The following PCSK5 variants were observed in gnomAD, a reference collection of about 807,000 sequenced individuals.
PCSK5 encodes the protein proprotein convertase subtilisin/kexin type 5.
In PCSK5, 129 loss-of-function variants were observed where a neutral mutation model predicts 233.2. The observed-to-expected ratio is 0.55, with a 90% CI of 0.48 to 0.64. The LOEUF is 0.64. Among genes scored for constraint, PCSK5 ranks in the 30% least tolerant of loss-of-function variants. PCSK5 has a pLI of 0.00. For synonymous variants in PCSK5, 825 were observed against 879.2 expected, an observed-to-expected ratio of 0.94 and a Z score of 1.09; for missense variants, 2,076 against 2,430.1, an observed-to-expected ratio of 0.85 and a Z score of 3.06.
intron 9 of PCSK5, among the ~76,000 whole-genome samples, chr9:76,108,069 A>G (rs892078834): frequency 1.3e-5 from 2 of 152,228 alleles, no homozygotes; most frequent in Non-Finnish European, 2.9e-5. Flanking sequence ...AAAGTTTGCC[A>G]TAAACTCATT....
chr9:76,259,107 A>G (rs760710458), intron 24 of PCSK5, among the ~76,000 whole-genome samples: 35 of 152,208 alleles, frequency 2.3e-4, no homozygotes, highest in Non-Finnish European at 4.4e-4. Context: ...GGAATTCTAT[A>G]ATATGTCTGT....
In PCSK5 at chr9:76,310,764, C is replaced by T. The variant is rs375458910; in HGVS notation, c.3797C>T (p.Ser1266Phe). The T allele has an allele frequency of 1.2e-4, 199 of 1,612,388 alleles. No individual in the cohort carries two copies. In the African/African-American group the frequency reaches 2.4e-3, roughly 20 times the overall value. Residue 1266 changes from serine (S) to phenylalanine (F), a missense_variant, in exon 30 of 38, where the codon TCT becomes TTT. Transcript: ENST00000674117. Reference sequence around the variant, plus strand: ...TGTACGGAGGCCTGTGCCATCTGCTCTGGAGCCGATCTTTGCAAAAAATGC... The same window carrying T: ...TGTACGGAGGCCTGTGCCATCTGCTTTGGAGCCGATCTTTGCAAAAAATGC... ...ENCTEACAIC[S>F]GADLCKKCQM...
intron 28 of PCSK5, among the ~76,000 whole-genome samples, chr9:76,304,445 G>T (rs1828712953): frequency 6.6e-6 from 1 of 152,336 alleles, no homozygotes; most frequent in East Asian, 1.9e-4. Context: ...AGGGAAGGAA[G>T]AGGGGAGTAA....
chr9:76,319,975 C>T (rs926456033), intron 30 of PCSK5, among the ~76,000 whole-genome samples: 2 of 152,148 alleles, frequency 1.3e-5, no homozygotes, highest in African/African-American at 4.8e-5. Context: ...AATCACGCGA[C>T]TTGCTTCACC....
chr9:76,145,477 C>G (rs544941297), intron 10 of PCSK5, among the ~76,000 whole-genome samples: 1 of 152,158 alleles, frequency 6.6e-6, no homozygotes, highest in East Asian at 1.9e-4. Flanking sequence ...ACCACCTCCC[C>G]CCCAGCTCAT....
chr9:76,175,361 A>T, intron 14 of PCSK5: 1 of 520,316 alleles, frequency 1.9e-6, no homozygotes, highest in Non-Finnish European at 3.4e-6. Context: ...CCATATTCTG[A>T]CATATTTTCT....
intron 1 of PCSK5, among the ~76,000 whole-genome samples, chr9:75,908,901 ATCTATCTATCTATCTATCTATCTC>A (rs1243626312): frequency 1.6e-5 from 2 of 128,914 alleles, no homozygotes; most frequent in Non-Finnish European, 3.3e-5. Flanking sequence ...CTATCTATCT[ATCTATCTATCTATCTATCTATCTC>A]TCTATCTCTC....
chr9:75,971,517 C>T (rs1825815007), intron 2 of PCSK5, among the ~76,000 whole-genome samples: 1 of 152,176 alleles, frequency 6.6e-6, no homozygotes, highest in Non-Finnish European at 1.5e-5. Flanking sequence ...ACACTGTCTT[C>T]CACAATGGTT....
chr9:75,902,532 A>G (rs1208892249), intron 1 of PCSK5, among the ~76,000 whole-genome samples: 3 of 152,168 alleles, frequency 2.0e-5, no homozygotes, highest in Non-Finnish European at 4.4e-5. Context: ...ATTTTTTTGT[A>G]AGCTACTAGC....
chr9:76,135,449 T>C (rs1211936421), intron 10 of PCSK5, among the ~76,000 whole-genome samples: 1 of 152,122 alleles, frequency 6.6e-6, no homozygotes, highest in South Asian at 2.1e-4. Context: ...CTTTGAAGTA[T>C]TATCAAACAC....
chr9:76,012,441 C>A (rs752860690), intron 3 of PCSK5, among the ~76,000 whole-genome samples: 1 of 152,198 alleles, frequency 6.6e-6, no homozygotes, highest in Non-Finnish European at 1.5e-5. Flanking sequence ...CAAGTGAAAA[C>A]CACACAGCTG....
intron 27 of PCSK5, among the ~76,000 whole-genome samples, chr9:76,297,166 C>A (rs553928562): frequency 1.3e-5 from 2 of 152,196 alleles, no homozygotes; most frequent in East Asian, 1.9e-4. Flanking sequence ...AAGAGAGTCA[C>A]GGAGGGAAAT....
At chr9:75,985,910 T>C (rs1826491341) in intron 2 of PCSK5, among the ~76,000 whole-genome samples, 1 of 152,032 alleles carries the variant, frequency 6.6e-6, no homozygotes, top group Non-Finnish European at 1.5e-5. Context: ...GTATAAATAC[T>C]CTATATAAAA....
intron 9 of PCSK5, among the ~76,000 whole-genome samples, chr9:76,114,550 T>C (rs1391555488): frequency 6.6e-6 from 1 of 152,116 alleles, no homozygotes; most frequent in African/African-American, 2.4e-5. Context: ...CCTTGGATTA[T>C]CTTGAAATGT....
chr9:76,055,087 C>T (rs57738396), intron 5 of PCSK5, among the ~76,000 whole-genome samples: 2,644 of 151,952 alleles, frequency 0.017, 79 homozygotes, highest in African/African-American at 0.057. Flanking sequence ...TACATTATTC[C>T]CGATGGCCAA....
intron 35 of PCSK5, among the ~76,000 whole-genome samples, chr9:76,344,050 T>C (rs1296818093): frequency 6.6e-6 from 1 of 152,212 alleles, no homozygotes; most frequent in Non-Finnish European, 1.5e-5. Context: ...TTTACATGTG[T>C]TGTACTGTCT....
chr9:76,221,373 A>C (rs138057382), intron 20 of PCSK5, among the ~76,000 whole-genome samples: 6 of 152,338 alleles, frequency 3.9e-5, no homozygotes, highest in Non-Finnish European at 8.8e-5. Context: ...AAATGAATCC[A>C]TACCAGCAAA....
chr9:76,192,018 G>A (rs536977641), intron 20 of PCSK5, among the ~76,000 whole-genome samples: 1 of 140,464 alleles, frequency 7.1e-6, no homozygotes, highest in African/African-American at 2.7e-5. Context: ...GGTGGAGGTT[G>A]CAGAGAGCAG....
At chr9:76,136,016 G>A (rs1270089272) in intron 10 of PCSK5, among the ~76,000 whole-genome samples, 1 of 151,956 alleles carries the variant, frequency 6.6e-6, no homozygotes, top group African/African-American at 2.4e-5. Flanking sequence ...ACTGCTTTAA[G>A]GAGGAAACGG....
Sources: allele counts gnomAD v4.1 joint callset (sites outside exome capture counted in the v4.1 genomes callset), GRCh38; gene constraint gnomAD v4.1.1; transcripts MANE v1.5; gene names NCBI Gene and HGNC (gene_info 2026-07-23, HGNC 2026-07-21).